Variants in ABCC9 observed in about 807,000 individuals in gnomAD.
ABCC9 encodes the protein ATP-binding cassette sub-family C member 9.
A neutral mutation model predicts 188.3 loss-of-function variants in ABCC9; 95 were observed. The ratio of observed to expected loss-of-function variants is 0.50; its 90% CI spans 0.43 to 0.60. The LOEUF (loss-of-function observed/expected upper bound fraction) is 0.60, where lower values mean the gene tolerates loss of function less well. Ranked by LOEUF, ABCC9 falls within the 20% of genes least tolerant of loss-of-function variation. The pLI is 0.00. For synonymous variants in ABCC9, 659 were observed against 652.7 expected (o/e 1.01, Z -0.15); for missense variants, 1,102 against 1,876.3 (o/e 0.59, Z 7.62).
At chr12:21,862,815 T>TG in intron 20 of ABCC9, 138 bp downstream of exon 20, 1 of 655,154 alleles carries the variant, frequency 1.5e-6, no homozygotes, top group Non-Finnish European at 2.7e-6. Context: ...CAAAAGACCT[T>TG]GGTGATGAGG....
chr12:21,912,974 G>T lies in ABCC9; in HGVS notation c.909C>A (p.Phe303Leu). The T allele has an allele frequency of 6.2e-7, 1 of 1,613,320 alleles. No individual in the cohort carries two copies. The highest frequency in any genetic ancestry group is 8.5e-7 in the Non-Finnish European group (1 of 1,179,656). Residue 303 changes from phenylalanine (F) to leucine (L), a missense_variant, in exon 8 of 40, where the codon TTC becomes TTA. Transcript: ENST00000261200. ...AACCCAGTAAATCAGCCAGATAGCG[G>T]AATGTGCTACTAAGTAGAATTGGTC... ...FGRPILLSST[F>L]RYLADLLGFA... is the part of the protein sequence containing the mutation.
chr12:21,895,231 C>A, intron 13 of ABCC9, 44 bp downstream of exon 13: 1 of 1,550,788 alleles, frequency 6.4e-7, no homozygotes. Context: ...CATTTATAAA[C>A]ACTGACTTGG....
chr12:21,821,361 G>A (rs192686846), intron 31 of ABCC9, among the ~76,000 whole-genome samples: 178 of 152,138 alleles, frequency 1.2e-3, no homozygotes, highest in Non-Finnish European at 2.1e-3. Context: ...CTTTTCTAAA[G>A]TGAAAAGTAC....
chr12:21,810,047 A>C, intron 36 of ABCC9, 92 bp from the exon 37 acceptor site: 1 of 843,018 alleles, frequency 1.2e-6, no homozygotes, highest in Non-Finnish European at 2.0e-6. Flanking sequence ...TTACAATGTA[A>C]GTTCCATTTG....
At chr12:21,811,936 T>A in intron 36 of ABCC9, 113 bp downstream of exon 36, 1 of 759,152 alleles carries the variant, frequency 1.3e-6, no homozygotes, top group Non-Finnish European at 2.3e-6. Flanking sequence ...TATTTGATTT[T>A]ATTGCCTTGA....
intron 39 of ABCC9, chr12:21,805,064 C>T (rs1472491461): frequency 4.0e-6 from 6 of 1,516,932 alleles, no homozygotes; most frequent in Non-Finnish European, 5.5e-6. Context: ...AGTTAGTTCC[C>T]TCATCTCAGC....
At chr12:21,928,868 T>C (rs540499300) in intron 4 of ABCC9, among the ~76,000 whole-genome samples, 1 of 152,304 alleles carries the variant, frequency 6.6e-6, no homozygotes, top group South Asian at 2.1e-4. Flanking sequence ...CAAATGCTAA[T>C]TTTTTCCCTT....
At chr12:21,871,013 C>T (rs922472358) in intron 18 of ABCC9, among the ~76,000 whole-genome samples, 1 of 152,062 alleles carries the variant, frequency 6.6e-6, no homozygotes, top group Non-Finnish European at 1.5e-5. Flanking sequence ...TTGGAACAGG[C>T]CAGATTAGGA....
intron 39 of ABCC9, among the ~76,000 whole-genome samples, chr12:21,804,591 G>C (rs190016181): frequency 1.3e-5 from 2 of 152,292 alleles, no homozygotes; most frequent in Non-Finnish European, 2.9e-5. Context: ...CTGGGAAAGA[G>C]GAACCACAGA....
chr12:21,925,892 GA>G lies in ABCC9; in HGVS notation c.406+49del, dbSNP rs748175026. ...AAAAAGAAAAATAACCCTTTGGGGG[GA>G]AAAACAAATATCTCTTTAAGGAGAA... On this transcript the variant is annotated intron_variant, in intron 5 of 39. Transcript: ENST00000261200. 2.6e-5 allele frequency: 41 copies of G among 1,576,280 alleles called. No individual in the cohort carries two copies. In the Admixed American group the frequency reaches 4.3e-4, roughly 17 times the overall value.
chr12:21,865,015 G>C (rs1945711252), intron 18 of ABCC9, among the ~76,000 whole-genome samples: 1 of 152,094 alleles, frequency 6.6e-6, no homozygotes, highest in Non-Finnish European at 1.5e-5. Flanking sequence ...CATCTAAGTA[G>C]AATCAATTAT....
intron 18 of ABCC9, among the ~76,000 whole-genome samples, chr12:21,870,210 C>G (rs1263039336): frequency 6.6e-6 from 1 of 151,326 alleles, no homozygotes; most frequent in East Asian, 2.0e-4. Context: ...TAAGAATTAA[C>G]CTTTTATTGA....
intron 33 of ABCC9, among the ~76,000 whole-genome samples, chr12:21,816,395 A>G (rs1942648294): frequency 6.6e-6 from 1 of 152,094 alleles, no homozygotes; most frequent in African/African-American, 2.4e-5. Context: ...ACAGTACTAC[A>G]TGGAGGCCCC....
At chr12:21,851,902 G>A (rs1030089451) in intron 24 of ABCC9, among the ~76,000 whole-genome samples, 195 bp downstream of exon 24, 1 of 151,966 alleles carries the variant, frequency 6.6e-6, no homozygotes, top group East Asian at 1.9e-4. Context: ...TCCAAAGATG[G>A]CATTAGAATT....
At position 21,911,524 on chromosome 12, in the gene ABCC9, GT is replaced by G. The variant is rs4148653; in HGVS notation, c.1012-547del. 7.2e-5 allele frequency among the ~76,000 whole-genome samples: 11 copies of G among 152,002 alleles called. No homozygotes were observed. The East Asian group carries it at 2.1e-3, about 29-fold the overall frequency. Reference sequence around the variant, plus strand: ...AACAAAACATAACTTACAAAATTTTGTTTTAGTAGGAATACGACTGAATTCA... The same window carrying G: ...AACAAAACATAACTTACAAAATTTTGTTTAGTAGGAATACGACTGAATTCA... On this transcript the variant is annotated intron_variant, in intron 8 of 39. Transcript: ENST00000261200.
intron 5 of ABCC9, 138 bp from the exon 6 acceptor site, chr12:21,917,241 A>G: frequency 2.2e-6 from 2 of 902,548 alleles, no homozygotes; most frequent in South Asian, 3.0e-5. Context: ...TTGGTAAGAA[A>G]ACAACATATA....
rs571853734 is a variant in ABCC9, at chr12:21,829,264, C to G, written c.3567-204G>C. Among the ~76,000 whole-genome samples the G allele has an allele frequency of 7.4e-5, 10 of 134,840 alleles. No individual in the cohort carries two copies. The East Asian group carries it at 1.7e-3, about 23-fold the overall frequency. The allele number at this position is 134,840 out of a possible 152,430, so 88.5% of individuals were successfully genotyped here. A position where few individuals can be genotyped will look rare whatever the true frequency, so the allele number is the denominator to read the frequency against. Reference sequence around the variant, plus strand: ...TTGCCCAGGCTGGAGTGCAGTGGCGCGATCTCGGCTCACTGCAAGCTCCGC... The same window carrying G: ...TTGCCCAGGCTGGAGTGCAGTGGCGGGATCTCGGCTCACTGCAAGCTCCGC... On this transcript the variant is annotated intron_variant, in intron 30 of 39. Transcript: ENST00000261200.
intron 12 of ABCC9, among the ~76,000 whole-genome samples, chr12:21,901,810 C>A (rs1037147272): frequency 1.3e-5 from 2 of 152,132 alleles, no homozygotes; most frequent in Non-Finnish European, 2.9e-5. Flanking sequence ...AAAGCAAGTC[C>A]TTAGAGACCT....
chr12:21,872,003 C>T (rs979863033), intron 18 of ABCC9, among the ~76,000 whole-genome samples: 1 of 152,188 alleles, frequency 6.6e-6, no homozygotes, highest in Non-Finnish European at 1.5e-5. Context: ...CACTTTATTA[C>T]CACAATGTGC....
Sources: allele counts gnomAD v4.1 joint callset (sites outside exome capture counted in the v4.1 genomes callset), GRCh38; gene constraint gnomAD v4.1.1; transcripts MANE v1.5; gene names NCBI Gene and HGNC (gene_info 2026-07-23, HGNC 2026-07-21).